The following FHIT variants were observed in gnomAD, a reference collection of about 807,000 sequenced individuals.
The protein encoded by FHIT is fragile histidine triad diadenosine triphosphatase.
Under a neutral mutation model 17.9 loss-of-function variants are expected in FHIT, and 19 were observed. The ratio of observed to expected loss-of-function variants is 1.06; its 90% CI spans 0.74 to 1.56. The LOEUF is 1.56. Among genes scored for constraint, FHIT ranks in the 40% most tolerant of loss-of-function variants. FHIT has a pLI of 0.00. For synonymous variants in FHIT, 81 were observed against 69.7 expected (o/e 1.16, Z -0.81); for missense variants, 248 against 189.2 (o/e 1.31, Z -1.82).
At chr3:60,574,032 A>G (rs1187126337) in intron 4 of FHIT, among the ~76,000 whole-genome samples, 4 of 149,598 alleles carry the variant, frequency 2.7e-5, no homozygotes, top group African/African-American at 9.8e-5. Flanking sequence ...CTGGTCTTGA[A>G]CTCCTGACCT....
At chr3:61,156,630 G>A (rs1418061239) in intron 2 of FHIT, among the ~76,000 whole-genome samples, 1 of 152,122 alleles carries the variant, frequency 6.6e-6, no homozygotes, top group Non-Finnish European at 1.5e-5. Context: ...CCAAGTTTAA[G>A]AGGTAAAGTT....
rs201617002 is a variant in FHIT at position 59,888,136 on chromosome 3, A to C, written c.348+34210T>G. On this transcript the variant is annotated intron_variant, in intron 8 of 9. Transcript: ENST00000492590. The stretch of plus-strand genomic sequence containing the variant: ...GCCATCGGGGCACTCTGAAAGAAGA[A>C]AGGAAGGAGTATGCTTTCTTTAACA... Among the ~76,000 whole-genome samples, 21 of 152,302 alleles carry C rather than the reference A, an allele frequency of 1.4e-4. No individual in the cohort carries two copies. In the East Asian group the frequency reaches 4.1e-3, roughly 29 times the overall value.
chr3:59,949,728 A>C (rs1229864450), intron 7 of FHIT, among the ~76,000 whole-genome samples: 1 of 152,208 alleles, frequency 6.6e-6, no homozygotes, highest in African/African-American at 2.4e-5. Context: ...GAACACATAC[A>C]TTTCAGAACT....
intron 5 of FHIT, among the ~76,000 whole-genome samples, chr3:60,204,492 T>C (rs1469661207): frequency 1.3e-5 from 2 of 150,574 alleles, no homozygotes; most frequent in Admixed American, 6.7e-5. Context: ...AGTTTCACCA[T>C]GTTGCCCGGA....
At chr3:60,904,974 T>C (rs1575668962) in intron 3 of FHIT, among the ~76,000 whole-genome samples, 1 of 151,608 alleles carries the variant, frequency 6.6e-6, no homozygotes, top group African/African-American at 2.4e-5. Flanking sequence ...AACCCATTTT[T>C]AGAATAAGAA....
At chr3:60,936,932 T>C (rs1270935816) in intron 3 of FHIT, among the ~76,000 whole-genome samples, 2 of 152,204 alleles carry the variant, frequency 1.3e-5, no homozygotes, top group African/African-American at 2.4e-5. Context: ...GAGGCCAAAT[T>C]GTATTCAGTT....
At chr3:60,195,098 G>A (rs569285898) in intron 5 of FHIT, among the ~76,000 whole-genome samples, 5 of 152,092 alleles carry the variant, frequency 3.3e-5, no homozygotes, top group South Asian at 2.1e-4. Flanking sequence ...CCCAGAAGGC[G>A]GACGTTGCAG....
intron 3 of FHIT, among the ~76,000 whole-genome samples, chr3:60,922,848 T>C (rs1332351796): frequency 6.6e-6 from 1 of 152,224 alleles, no homozygotes; most frequent in Admixed American, 6.5e-5. Context: ...TTAATTAAAA[T>C]TGTGGAATCC....
intron 8 of FHIT, among the ~76,000 whole-genome samples, chr3:59,762,102 G>A (rs1204881024): frequency 6.6e-6 from 1 of 152,136 alleles, no homozygotes; most frequent in African/African-American, 2.4e-5. Context: ...AACAGAGATG[G>A]CTACTCAGTG....
At chr3:60,958,844 T>C (rs1358533042) in intron 3 of FHIT, among the ~76,000 whole-genome samples, 1 of 152,246 alleles carries the variant, frequency 6.6e-6, no homozygotes, top group East Asian at 1.9e-4. Flanking sequence ...ATTTGGCAAA[T>C]GTCTTCTTTG....
At chr3:60,529,495 T>C (rs1346140571) in intron 5 of FHIT, among the ~76,000 whole-genome samples, 1 of 152,126 alleles carries the variant, frequency 6.6e-6, no homozygotes, top group Non-Finnish European at 1.5e-5. Flanking sequence ...TATTCTGCAT[T>C]ATTTGAGTTA....
chr3:59,929,216 T>A (rs1575713518), intron 7 of FHIT, among the ~76,000 whole-genome samples: 1 of 151,898 alleles, frequency 6.6e-6, no homozygotes, highest in African/African-American at 2.4e-5. Flanking sequence ...TGAATACAGA[T>A]GCCTTGATAT....
chr3:61,123,270 A>G (rs542131157), intron 2 of FHIT, among the ~76,000 whole-genome samples: 1 of 152,276 alleles, frequency 6.6e-6, no homozygotes, highest in East Asian at 1.9e-4. Context: ...CAAACACTGC[A>G]AATTTTCACT....
chr3:61,030,171 T>C (rs2032941871), intron 3 of FHIT, among the ~76,000 whole-genome samples: 1 of 152,164 alleles, frequency 6.6e-6, no homozygotes, highest in Non-Finnish European at 1.5e-5. Context: ...GGTTTCTTCA[T>C]GTTGCCTAGG....
chr3:60,539,594 T>C (rs1241030070), intron 4 of FHIT, among the ~76,000 whole-genome samples: 2 of 152,048 alleles, frequency 1.3e-5, no homozygotes, highest in Non-Finnish European at 1.5e-5. Flanking sequence ...CACATATACG[T>C]GGAATACTAT....
At chr3:59,938,275 C>T (rs1706340697) in intron 7 of FHIT, among the ~76,000 whole-genome samples, 1 of 152,108 alleles carries the variant, frequency 6.6e-6, no homozygotes, top group Non-Finnish European at 1.5e-5. Context: ...GGAAGACATA[C>T]ACTAAGTGAA....
In FHIT at chr3:60,453,239, C is replaced by T. The variant is rs145742652; in HGVS notation, c.103+83621G>A. Among the ~76,000 whole-genome samples the T allele has an allele frequency of 1.2e-3, 190 of 152,048 alleles. 1 individual carries two copies. The highest frequency in any genetic ancestry group is 4.4e-3 in the African/African-American group (184 of 41,508). On this transcript the variant is annotated intron_variant, in intron 5 of 9. Transcript: ENST00000492590. ...TCAAGTGCCCTATACAACTTCCACA[C>T]CTGAATGCTTCTAACTTGGCTTTGC... is the stretch of plus-strand genomic sequence containing the variant.
At chr3:60,043,604 T>C (rs1484005334) in intron 5 of FHIT, among the ~76,000 whole-genome samples, 1 of 152,188 alleles carries the variant, frequency 6.6e-6, no homozygotes, top group African/African-American at 2.4e-5. Context: ...TTTCAACCTT[T>C]TGAACCTGAG....
At chr3:60,741,883 G>A (rs1385854997) in intron 4 of FHIT, among the ~76,000 whole-genome samples, 1 of 152,188 alleles carries the variant, frequency 6.6e-6, no homozygotes, top group African/African-American at 2.4e-5. Flanking sequence ...TGTTTTCCAA[G>A]TCTGACTGTA....
Sources: allele counts gnomAD v4.1 joint callset (sites outside exome capture counted in the v4.1 genomes callset), GRCh38; gene constraint gnomAD v4.1.1; transcripts MANE v1.5; gene names NCBI Gene and HGNC (gene_info 2026-07-23, HGNC 2026-07-21).